FMNL2: variants seen among roughly 807,000 people sequenced by gnomAD.
The protein encoded by FMNL2 is formin-like protein 2.
A neutral mutation model predicts 130.2 loss-of-function variants in FMNL2; 51 were observed. The ratio of observed to expected loss-of-function variants is 0.39; its 90% CI spans 0.31 to 0.49. FMNL2 has a LOEUF of 0.49. Among genes scored for constraint, FMNL2 ranks in the 20% least tolerant of loss-of-function variants. FMNL2 has a pLI of 0.85. For missense variants in FMNL2, 977 were observed against 1,316.2 expected (o/e 0.74, Z 3.99); for synonymous variants, 465 against 467.1 (o/e 1.00, Z 0.06).
rs6744977 is a variant in FMNL2 at position 152,641,122 on chromosome 2, G to C, written c.3169+208G>C. Among the ~76,000 whole-genome samples, 361 of 152,296 alleles carry C rather than the reference G, an allele frequency of 2.4e-3. 1 individual carries two copies. Among genetic ancestry groups the C allele is most frequent in the African/African-American group, 8.1e-3 (338 of 41,564 alleles). ...AATACTCTGCATTGGAACCCTGTAA[G>C]TTTCAGCAGAGCTCCTTCATTTAAA... is the stretch of plus-strand genomic sequence containing the variant. On this transcript the variant is annotated intron_variant, in intron 25 of 25. Transcript: ENST00000288670.
chr2:152,626,033 AATTATT>A (rs540424152), intron 16 of FMNL2, among the ~76,000 whole-genome samples: 4 of 151,282 alleles, frequency 2.6e-5, no homozygotes, highest in African/African-American at 7.3e-5. Flanking sequence ...TTTATTTTTA[AATTATT>A]ATTATTATTA....
chr2:152,624,248 C>T (rs1277611993), intron 15 of FMNL2, among the ~76,000 whole-genome samples: 3 of 150,930 alleles, frequency 2.0e-5, no homozygotes, highest in African/African-American at 7.3e-5. Flanking sequence ...ACCTCTGCCT[C>T]CCGGGTTCAA....
intron 1 of FMNL2, among the ~76,000 whole-genome samples, chr2:152,516,306 C>T (rs374105027): frequency 6.6e-6 from 1 of 151,978 alleles, no homozygotes; most frequent in African/African-American, 2.4e-5. Context: ...TGTTTTCTAC[C>T]ATAACTGAAA....
chr2:152,509,763 T>TTTTTTTTTTGG (rs1198654296), intron 1 of FMNL2, among the ~76,000 whole-genome samples: 1 of 144,654 alleles, frequency 6.9e-6, no homozygotes, highest in Admixed American at 7.0e-5. Context: ...TTTTTTTTTT[T>TTTTTTTTTTGG]GAGAGAGGGT....
At chr2:152,464,369 C>T (rs1313256964) in intron 1 of FMNL2, among the ~76,000 whole-genome samples, 1 of 152,134 alleles carries the variant, frequency 6.6e-6, no homozygotes, top group Non-Finnish European at 1.5e-5. Context: ...CTCTTTTTAG[C>T]CTTATTTTTC....
At chr2:152,509,814 T>C (rs757537118) in intron 1 of FMNL2, among the ~76,000 whole-genome samples, 3 of 126,708 alleles carry the variant, frequency 2.4e-5, no homozygotes, top group East Asian at 2.6e-4. Context: ...GGCACAATCA[T>C]GGGTCAATGC....
chr2:152,553,723 AAAAT>A (rs1695059582), intron 4 of FMNL2, among the ~76,000 whole-genome samples: 1 of 151,590 alleles, frequency 6.6e-6, no homozygotes, highest in South Asian at 2.1e-4. Context: ...AAATACATAT[AAAAT>A]AAATGTTATG....
At chr2:152,494,921 GCC>G (rs1691418543) in intron 1 of FMNL2, among the ~76,000 whole-genome samples, 1 of 152,228 alleles carries the variant, frequency 6.6e-6, no homozygotes, top group Middle Eastern at 3.4e-3. Flanking sequence ...TATGTGCCAG[GCC>G]CTGTTATGCA....
chr2:152,616,799 T>G (rs1698977598), intron 12 of FMNL2, among the ~76,000 whole-genome samples: 1 of 152,164 alleles, frequency 6.6e-6, no homozygotes, highest in Non-Finnish European at 1.5e-5. Context: ...TCTCCTTACT[T>G]TCCTCTACCC....
intron 2 of FMNL2, among the ~76,000 whole-genome samples, chr2:152,531,567 C>G (rs1217237624): frequency 6.6e-6 from 1 of 152,012 alleles, no homozygotes; most frequent in Non-Finnish European, 1.5e-5. Flanking sequence ...CTCCCCCTCC[C>G]AGGTTCAAGT....
chr2:152,543,729 C>CAAA (rs71394490), intron 3 of FMNL2, among the ~76,000 whole-genome samples: 1,461 of 61,378 alleles, frequency 0.024, 139 homozygotes, highest in African/African-American at 0.074. Context: ...ACCCCCCGAC[C>CAAA]AAAAAAAAAA....
intron 20 of FMNL2, 129 bp downstream of exon 20, chr2:152,630,034 TG>T: frequency 1.3e-6 from 1 of 769,228 alleles, no homozygotes. Flanking sequence ...ACTAATTTTC[TG>T]GAACACCATT....
chr2:152,618,966 G>A lies in FMNL2; in HGVS notation c.1435G>A (p.Gly479Arg). ...EKKIHELEKQGTIKIQKKGDG... is the reference protein window; with the variant it reads ...EKKIHELEKQRTIKIQKKGDG... ...AAAGATTCATGAGCTAGAGAAACAA[G>A]GGACCATTAAAATTCAGAAGAAAGG... Residue 479 changes from glycine (G) to arginine (R), a missense_variant, in exon 14 of 26, where the codon GGG becomes AGG. Physicochemically the swap from Gly to Arg is moderately radical, Grantham distance 125. Around this residue, in one of 4 missense-constraint regions of FMNL2, gnomAD observed 689 missense variants for 995.9 expected, o/e 0.69. Coordinates refer to ENST00000288670, the MANE Select transcript of FMNL2 (RefSeq NM_052905.4). The A allele has an allele frequency of 6.2e-7, 1 of 1,614,036 alleles. No homozygotes were observed. The highest frequency in any genetic ancestry group is 8.5e-7 in the Non-Finnish European group (1 of 1,179,908).
At chr2:152,594,490 C>T (rs547130634) in intron 9 of FMNL2, among the ~76,000 whole-genome samples, 24 of 152,106 alleles carry the variant, frequency 1.6e-4, no homozygotes, top group Admixed American at 3.3e-4. Flanking sequence ...AAGGTGGCTG[C>T]GTCAATCCCT....
chr2:152,342,224 C>G (rs1285263642), intron 1 of FMNL2, among the ~76,000 whole-genome samples: 1 of 152,176 alleles, frequency 6.6e-6, no homozygotes, highest in Non-Finnish European at 1.5e-5. Context: ...AAAGTGGGCT[C>G]TCCAGCCCTC....
intron 1 of FMNL2, among the ~76,000 whole-genome samples, chr2:152,459,621 AGAT>A (rs1256238083): frequency 6.6e-6 from 1 of 152,194 alleles, no homozygotes; most frequent in African/African-American, 2.4e-5. Flanking sequence ...CATTGAGAGA[AGAT>A]CTTTTAAAAA....
intron 9 of FMNL2, among the ~76,000 whole-genome samples, chr2:152,590,627 C>G (rs76582160): frequency 0.019 from 2,922 of 151,404 alleles, 104 homozygotes; most frequent in African/African-American, 0.064. Context: ...AAAAAAAAAA[C>G]CTGTAGGTTC....
At chr2:152,635,556 A>T (rs981234392) in intron 21 of FMNL2, among the ~76,000 whole-genome samples, 1 of 151,898 alleles carries the variant, frequency 6.6e-6, no homozygotes, top group African/African-American at 2.4e-5. Flanking sequence ...AACCACATTG[A>T]TTTAAGAATG....
chr2:152,615,102 T>C, intron 12 of FMNL2, 102 bp downstream of exon 12: 3 of 1,308,584 alleles, frequency 2.3e-6, no homozygotes, highest in Non-Finnish European at 3.2e-6. Context: ...ATTTGGAGTA[T>C]AGGAATAGGC....
Sources: allele counts gnomAD v4.1 joint callset (sites outside exome capture counted in the v4.1 genomes callset), GRCh38; gene constraint gnomAD v4.1.1; regional missense constraint gnomAD v4.1.1; transcripts MANE v1.5; gene names NCBI Gene and HGNC (gene_info 2026-07-23, HGNC 2026-07-21).